Variants in UHRF2 observed in about 807,000 individuals in gnomAD.
The protein encoded by UHRF2 is ubiquitin like with PHD and ring finger domains 2.
UHRF2 carries 23 observed loss-of-function variants against 96.8 expected under a neutral mutation model. The ratio of observed to expected loss-of-function variants is 0.24; its 90% confidence interval spans 0.17 to 0.34. The LOEUF (loss-of-function observed/expected upper bound fraction) is 0.34. UHRF2 is among the 10% of genes least tolerant of loss of function. UHRF2 has a pLI of 1.00. For missense variants in UHRF2, 685 were observed against 981.5 expected (o/e 0.70, Z 4.04); for synonymous variants, 385 against 332.6 (o/e 1.16, Z -1.72).
intron 2 of UHRF2, among the ~76,000 whole-genome samples, chr9:6,428,191 T>C (rs912483667): frequency 2.0e-5 from 3 of 152,194 alleles, no homozygotes; most frequent in African/African-American, 4.8e-5. Context: ...TCTTATTTCT[T>C]TTGTCCACAG....
At chr9:6,482,973 C>G (rs1360586080) in intron 8 of UHRF2, among the ~76,000 whole-genome samples, 3 of 152,098 alleles carry the variant, frequency 2.0e-5, no homozygotes, top group African/African-American at 7.2e-5. Context: ...CCCTTGGTAT[C>G]TGTCGGGGAT....
chr9:6,417,150 C>T (rs1018232715), intron 1 of UHRF2, among the ~76,000 whole-genome samples: 1 of 152,202 alleles, frequency 6.6e-6, no homozygotes, highest in East Asian at 1.9e-4. Context: ...GAATGACTTC[C>T]CACTGCCCTC....
At chr9:6,443,274 A>T (rs1487179636) in intron 3 of UHRF2, among the ~76,000 whole-genome samples, 1 of 152,222 alleles carries the variant, frequency 6.6e-6, no homozygotes, top group South Asian at 2.1e-4. Context: ...AAAATAACAC[A>T]GTGTGCCAAG....
intron 3 of UHRF2, among the ~76,000 whole-genome samples, chr9:6,458,480 ATCTC>A (rs1822318157): frequency 6.8e-6 from 1 of 147,734 alleles, no homozygotes. Context: ...AGGGTTTTTC[ATCTC>A]TCTATCTCCT....
intron 3 of UHRF2, among the ~76,000 whole-genome samples, chr9:6,440,524 A>G (rs1448730029): frequency 6.6e-6 from 1 of 152,212 alleles, no homozygotes; most frequent in Admixed American, 6.5e-5. Flanking sequence ...GTCAGAGGTC[A>G]ACATTTTATA....
At position 6,418,486 on chromosome 9, in the gene UHRF2, G is replaced by C. The variant is rs530353481; in HGVS notation, c.154-2426G>C. ...ACCTGTAGTGTTTGAGATTGTGCTTGTTGGGTTCTTGGACCACCTGAGTTC... is the reference window on the plus strand; with the variant it reads ...ACCTGTAGTGTTTGAGATTGTGCTTCTTGGGTTCTTGGACCACCTGAGTTC... On this transcript the variant is annotated intron_variant, in intron 1 of 15. Transcript: ENST00000276893. Among the ~76,000 whole-genome samples the C allele has an allele frequency of 1.7e-4, 26 of 152,076 alleles. 1 individual carries two copies. The South Asian group carries it at 4.2e-3, about 24-fold the overall frequency.
At chr9:6,469,734 G>A (rs1423586561) in intron 4 of UHRF2, among the ~76,000 whole-genome samples, 3 of 115,256 alleles carry the variant, frequency 2.6e-5, no homozygotes, top group Admixed American at 8.8e-5. Flanking sequence ...GCATATATAC[G>A]TGTATATATA....
intron 3 of UHRF2, among the ~76,000 whole-genome samples, chr9:6,460,260 G>A (rs182075247): frequency 3.5e-4 from 54 of 152,258 alleles, no homozygotes; most frequent in African/African-American, 1.2e-3. Flanking sequence ...CCTCAAAGTA[G>A]ATGATTGTGG....
intron 9 of UHRF2, among the ~76,000 whole-genome samples, chr9:6,491,988 C>T (rs1388658217): frequency 2.0e-5 from 3 of 152,206 alleles, no homozygotes; most frequent in Non-Finnish European, 4.4e-5. Context: ...CTGCTTTGGC[C>T]TCCCACAGTG....
chr9:6,460,468 C>G (rs1349696607), intron 3 of UHRF2, 105 bp from the exon 4 acceptor site: 10 of 955,944 alleles, frequency 1.0e-5, no homozygotes, highest in Non-Finnish European at 1.4e-5. Context: ...CTATTTTACT[C>G]TTTCTCTTAG....
At chr9:6,443,584 C>G (rs2130796060) in intron 3 of UHRF2, among the ~76,000 whole-genome samples, 1 of 152,256 alleles carries the variant, frequency 6.6e-6, no homozygotes, top group Middle Eastern at 3.4e-3. Context: ...TCTCTCTAGT[C>G]AGAATGCTTT....
intron 4 of UHRF2, among the ~76,000 whole-genome samples, chr9:6,461,901 A>G (rs951092174): frequency 2.6e-5 from 4 of 152,234 alleles, no homozygotes; most frequent in African/African-American, 7.2e-5. Flanking sequence ...ATCCTTGTAT[A>G]TGCATTTTTG....
At position 6,482,116 on chromosome 9, in the gene UHRF2, G is replaced by A. The variant is rs375783512; in HGVS notation, c.1392+17G>A. ...AGAGTTCAGGTATGTTTTAACTTGG[G>A]CTTAGTTGAAAGGGGAGAATTGGCT... is the stretch of plus-strand genomic sequence containing the variant. On this transcript the variant is annotated intron_variant, in intron 8 of 15. Coordinates refer to ENST00000276893, the MANE Select transcript of UHRF2 (RefSeq NM_152896.3). 4.4e-6 allele frequency: 7 copies of A among 1,603,264 alleles called. No homozygotes were observed. In the Middle Eastern group the frequency reaches 5.0e-4, roughly 114 times the overall value.
intron 3 of UHRF2, chr9:6,449,433 T>C (rs1372317074): frequency 2.0e-5 from 3 of 152,286 alleles, no homozygotes; most frequent in Non-Finnish European, 4.4e-5. Context: ...CATCATGGTC[T>C]AAGGGCTTTT....
chr9:6,490,975 G>C (rs571775106), intron 9 of UHRF2, among the ~76,000 whole-genome samples: 2 of 152,286 alleles, frequency 1.3e-5, no homozygotes, highest in South Asian at 2.1e-4. Flanking sequence ...CTGAATTCTT[G>C]AATTTGGTAT....
At chr9:6,497,905 C>A in intron 11 of UHRF2, 113 bp from the exon 12 acceptor site, 1 of 1,334,926 alleles carries the variant, frequency 7.5e-7, no homozygotes, top group Non-Finnish European at 1.0e-6. Context: ...TACAGCAAAG[C>A]AGAATATTCA....
At chr9:6,460,481 G>T (rs1822471340) in intron 3 of UHRF2, 92 bp from the exon 4 acceptor site, 1 of 1,072,196 alleles carries the variant, frequency 9.3e-7, no homozygotes, top group Non-Finnish European at 1.3e-6. Context: ...TCTCTTAGAT[G>T]ATTAACTCAG....
At chr9:6,502,605 C>T (rs1442474933) in intron 14 of UHRF2, among the ~76,000 whole-genome samples, 1 of 152,198 alleles carries the variant, frequency 6.6e-6, no homozygotes, top group Non-Finnish European at 1.5e-5. Context: ...TTATTACTAT[C>T]TGAAACAGTT....
intron 9 of UHRF2, among the ~76,000 whole-genome samples, chr9:6,491,282 T>G (rs1824642339): frequency 6.6e-6 from 1 of 152,202 alleles, no homozygotes; most frequent in Non-Finnish European, 1.5e-5. Flanking sequence ...TGTGTGATTT[T>G]AGGCGATTTA....
Sources: gnomAD v4.1 joint callset for allele counts (sites outside exome capture counted in the v4.1 genomes callset) on GRCh38, gnomAD v4.1.1 for gene constraint, MANE v1.5 for transcripts, NCBI Gene and HGNC (gene_info 2026-07-23, HGNC 2026-07-21) for gene names.